PDZD8: variants seen among roughly 807,000 people sequenced by gnomAD.
PDZD8 encodes PDZ domain containing 8.
In PDZD8, 14 loss-of-function variants were observed where a neutral mutation model predicts 85.8. The observed-to-expected ratio is 0.16, with a 90% CI of 0.11 to 0.26. The LOEUF (loss-of-function observed/expected upper bound fraction) is 0.26. PDZD8 is among the 10% of genes least tolerant of loss of function. The pLI, the probability that PDZD8 is intolerant of heterozygous loss-of-function variation, is 1.00. For missense variants in PDZD8, 1,197 were observed against 1,424.3 expected, an observed-to-expected ratio of 0.84 and a Z score of 2.57; for synonymous variants, 592 against 568.6, an observed-to-expected ratio of 1.04 and a Z score of -0.59.
At chr10:117,286,343 C>A (rs1844663614) in intron 4 of PDZD8, among the ~76,000 whole-genome samples, 1 of 152,188 alleles carries the variant, frequency 6.6e-6, no homozygotes, top group African/African-American at 2.4e-5. Flanking sequence ...TGTCACTCTT[C>A]CCACACTCTC....
In PDZD8 at chr10:117,374,975, C is replaced by CG. The variant is rs775175296; in HGVS notation, c.252dup (p.Glu85ArgfsTer94). 1 of 1,600,630 alleles carries CG rather than the reference C, an allele frequency of 6.2e-7. No individual in the cohort carries two copies. The highest frequency in any genetic ancestry group is 8.5e-7 in the Non-Finnish European group (1 of 1,174,296). ...TCCCGCGTCGGCGGGGCGGGGGTCT[C>CG]GGGGGCCGCGGTGGGGGTCGCGCCG... On this transcript the variant is annotated frameshift_variant, in exon 1 of 5. Transcript: ENST00000334464. LOFTEE classifies it high-confidence loss of function. The surrounding 1 kb of genome is among the most constrained non-coding windows in gnomAD (Gnocchi z 7.8).
chr10:117,353,936 C>T (rs1844849930), intron 1 of PDZD8, among the ~76,000 whole-genome samples: 1 of 152,152 alleles, frequency 6.6e-6, no homozygotes, highest in South Asian at 2.1e-4. Flanking sequence ...GCTTTTATCA[C>T]AGTTCATACA....
At chr10:117,304,292 T>C (rs1843895159) in intron 3 of PDZD8, among the ~76,000 whole-genome samples, 1 of 152,192 alleles carries the variant, frequency 6.6e-6, no homozygotes, top group South Asian at 2.1e-4. Context: ...ATGGGCCCTG[T>C]AACCCTTTGT....
chr10:117,356,840 T>C (rs1453823497), intron 1 of PDZD8, among the ~76,000 whole-genome samples: 5 of 152,196 alleles, frequency 3.3e-5, no homozygotes, highest in Non-Finnish European at 7.4e-5. Flanking sequence ...TGAGTTCATG[T>C]TGGCCTCCTC....
At chr10:117,348,996 T>G (rs17096146) in intron 1 of PDZD8, among the ~76,000 whole-genome samples, 4,934 of 152,318 alleles carry the variant, frequency 0.032, 88 homozygotes, top group South Asian at 0.039. Flanking sequence ...GAATCGCAAA[T>G]CATTTTCTCA....
chr10:117,346,310 G>T (rs1844708203), intron 1 of PDZD8, among the ~76,000 whole-genome samples: 1 of 150,948 alleles, frequency 6.6e-6, no homozygotes, highest in Admixed American at 6.6e-5. Context: ...AAAGAGACAG[G>T]AATTGTAAAA....
intron 3 of PDZD8, among the ~76,000 whole-genome samples, chr10:117,298,983 CA>C (rs1253852636): frequency 6.6e-6 from 1 of 151,992 alleles, no homozygotes. Flanking sequence ...AGGCCTTATG[CA>C]AAATGAGGCA....
chr10:117,284,671 T>C lies in PDZD8; in HGVS notation c.2062A>G (p.Asn688Asp). The change falls in exon 5 of 5, where the codon AAT becomes GAT. Residue 688 changes from asparagine (N) to aspartate (D), a missense_variant. Transcript: ENST00000334464. ...GTTCTTGTCCATTTTCCTAGCTTAT[T>C]ACGATAAAGAATTTCTGATGATTCC... is the stretch of plus-strand genomic sequence containing the variant. ...TWESSEILYR[N>D]KLGKWTRTRA... 1.9e-6 allele frequency: 3 copies of C among 1,614,202 alleles called. No homozygotes were observed. Among genetic ancestry groups the C allele is most frequent in the Non-Finnish European group, 2.5e-6 (3 of 1,180,022 alleles).
At chr10:117,307,610 A>G (rs1332161257) in intron 3 of PDZD8, among the ~76,000 whole-genome samples, 1 of 152,104 alleles carries the variant, frequency 6.6e-6, no homozygotes, top group Non-Finnish European at 1.5e-5. Flanking sequence ...CATAGGGCAT[A>G]TTGTTTATAC....
chr10:117,357,009 G>A (rs1202662834), intron 1 of PDZD8, among the ~76,000 whole-genome samples: 1 of 152,158 alleles, frequency 6.6e-6, no homozygotes, highest in Non-Finnish European at 1.5e-5. Context: ...GCAGTAAAAT[G>A]TTTAAAGATA....
rs112074574 is a variant in PDZD8 at position 117,368,763 on chromosome 10, C to A, written c.872+5593G>T. ...AGGAGACACTATCTACTTACCATCA[C>A]TACATGGTAGAAAAATGGATTGCAT... On this transcript the variant is annotated intron_variant, in intron 1 of 4. Coordinates refer to ENST00000334464, the MANE Select transcript of PDZD8 (RefSeq NM_173791.5). 3.9e-3 allele frequency among the ~76,000 whole-genome samples: 584 copies of A among 151,014 alleles called. 4 individuals are homozygous for A. The highest frequency in any genetic ancestry group is 0.013 in the African/African-American group (554 of 41,176).
intron 1 of PDZD8, among the ~76,000 whole-genome samples, chr10:117,341,557 T>C (rs528843978): frequency 6.6e-6 from 1 of 152,254 alleles, no homozygotes; most frequent in African/African-American, 2.4e-5. Flanking sequence ...GTCTCTAATA[T>C]AAAATGGCCC....
chr10:117,344,794 T>C (rs984586619), intron 1 of PDZD8, among the ~76,000 whole-genome samples: 7 of 152,320 alleles, frequency 4.6e-5, no homozygotes, highest in South Asian at 4.1e-4. Context: ...ATTTCTCATC[T>C]AGCCTCCAGT....
chr10:117,365,259 C>T (rs867988309), intron 1 of PDZD8, among the ~76,000 whole-genome samples: 1 of 151,870 alleles, frequency 6.6e-6, no homozygotes, highest in Non-Finnish European at 1.5e-5. Context: ...ACTTATGGTA[C>T]TAATGGTCAA....
At chr10:117,336,349 T>C (rs552638120) in intron 2 of PDZD8, among the ~76,000 whole-genome samples, 2 of 152,354 alleles carry the variant, frequency 1.3e-5, no homozygotes, top group African/African-American at 4.8e-5. Context: ...TGTATGCATG[T>C]ATAAGTATTG....
At position 117,285,197 on chromosome 10, in the gene PDZD8, T is replaced by C. The variant is rs1330372273; in HGVS notation, c.1536A>G (p.Lys512=). Residue 512 remains lysine (K), a synonymous_variant, in exon 5 of 5, where the codon AAA becomes AAG. Coordinates refer to ENST00000334464, the MANE Select transcript of PDZD8 (RefSeq NM_173791.5). ...ASDVRAQNEF[K]DEAQSLSHSP... Reference sequence around the variant, plus strand: ...TATGACTTAATGATTGTGCCTCATCTTTGAACTCATTTTGTGCTCTGACAT... The same window carrying C: ...TATGACTTAATGATTGTGCCTCATCCTTGAACTCATTTTGTGCTCTGACAT... 1.2e-6 allele frequency: 2 copies of C among 1,614,118 alleles called. No homozygotes were observed. The highest frequency in any genetic ancestry group is 2.7e-5 in the African/African-American group (2 of 74,940).
intron 1 of PDZD8, among the ~76,000 whole-genome samples, chr10:117,342,541 G>A (rs1355151444): frequency 2.6e-5 from 4 of 152,112 alleles, no homozygotes; most frequent in Admixed American, 6.5e-5. Flanking sequence ...GCAGTGGCAC[G>A]ATCTTGGCTC....
intron 3 of PDZD8, among the ~76,000 whole-genome samples, chr10:117,296,711 G>A (rs758338692): frequency 6.6e-6 from 1 of 152,082 alleles, no homozygotes; most frequent in African/African-American, 2.4e-5. Flanking sequence ...ATAGGGAAAA[G>A]GGTATACTGA....
intron 3 of PDZD8, among the ~76,000 whole-genome samples, chr10:117,302,825 C>T (rs1323311766): frequency 2.0e-5 from 3 of 152,184 alleles, no homozygotes; most frequent in Non-Finnish European, 4.4e-5. Context: ...TCCGCTTTTG[C>T]TTCTTCCTCA....
Sources: allele counts gnomAD v4.1 joint callset (sites outside exome capture counted in the v4.1 genomes callset), GRCh38; gene constraint gnomAD v4.1.1; non-coding constraint Gnocchi (gnomAD v3.1); transcripts MANE v1.5; gene names NCBI Gene and HGNC (gene_info 2026-07-23, HGNC 2026-07-21).